Variants in TCP10L observed in about 807,000 individuals in gnomAD.
TCP10L encodes the protein T-complex protein 10A homolog 1.
TCP10L carries 11 observed loss-of-function variants against 19.2 expected under a neutral mutation model. The ratio of observed to expected loss-of-function variants is 0.57; its 90% CI spans 0.36 to 0.95. The LOEUF (loss-of-function observed/expected upper bound fraction) is 0.95, where lower values mean the gene tolerates loss of function less well. Ranked by LOEUF, TCP10L falls within the 40% of genes least tolerant of loss-of-function variation. The pLI is 0.01. For missense variants in TCP10L, 247 were observed against 263.9 expected, an observed-to-expected ratio of 0.94 and a Z score of 0.44; for synonymous variants, 96 against 97.2, an observed-to-expected ratio of 0.99 and a Z score of 0.07.
In TCP10L at chr21:32,576,990, ACAT is replaced by A. The variant is rs1313819418; in HGVS notation, c.499-70_499-68del. The A allele has an allele frequency of 2.7e-6, 4 of 1,481,608 alleles. No homozygotes were observed. The African/African-American group carries it at 4.2e-5, about 16-fold the overall frequency. The allele number at this position is 1,481,608 out of a possible 1,614,324, so 91.8% of individuals were successfully genotyped here. On this transcript the variant is annotated intron_variant, in intron 4 of 4. Transcript: ENST00000300258. ...ATATTATTTTTAAATGTTAAGCAACACATCATACCAGCTATCACAGAATGTAGA... is the reference window on the plus strand; with the variant it reads ...ATATTATTTTTAAATGTTAAGCAACACATACCAGCTATCACAGAATGTAGA...
intron 3 of TCP10L, among the ~76,000 whole-genome samples, chr21:32,579,336 C>G (rs2833913): frequency 0.079 from 11,964 of 152,208 alleles, 555 homozygotes; most frequent in Non-Finnish European, 0.1. Context: ...CCGTTCTGCC[C>G]TCTGAGGAGG....
Position 32,585,487 on chromosome 21 carries a change from AGCCCTCCT to A in TCP10L, c.-76_-69del, listed in dbSNP as rs1483941671. On this transcript the variant is annotated 5_prime_UTR_variant, in exon 1 of 5. An upstream open reading frame in the 5' UTR gains an earlier in-frame stop. Transcript: ENST00000300258. ...GGCCATGTCCCCACAGTTGTCCCCA[AGCCCTCCT>A]GCCTCATATCCAGAGACCAGAGAGC... 5.1e-5 allele frequency: 8 copies of A among 156,714 alleles called. No homozygotes were observed. The highest frequency in any genetic ancestry group is 1.9e-4 in the African/African-American group (8 of 41,642). The allele number at this position is 156,714 out of a possible 1,614,324, so 9.7% of individuals were successfully genotyped here.
chr21:32,574,158 A>ATT lies in TCP10L; in HGVS notation c.*2614_*2615dup, dbSNP rs36087958. ...GAGAAAATAATTTCATTTTATTGAC[A>ATT]TTTTTTGTAAAATATAGCATGTTAC... On this transcript the variant is annotated 3_prime_UTR_variant, in exon 5 of 5. Transcript: ENST00000300258. The ATT allele has an allele frequency of 2.0e-5, 3 of 152,098 alleles. No homozygotes were observed. Among genetic ancestry groups the ATT allele is most frequent in the African/African-American group, 4.8e-5 (2 of 41,490 alleles). 9.4% of individuals were successfully genotyped at this position (152,098 alleles called of 1,614,324 possible).
rs182855671 is a variant in TCP10L at position 32,584,030 on chromosome 21, C to T, written c.144+131G>A. The T allele has an allele frequency of 2.4e-4, 298 of 1,251,194 alleles. No individual in the cohort carries two copies. The African/African-American group carries it at 4.3e-3, about 18-fold the overall frequency. The allele number at this position is 1,251,194 out of a possible 1,614,324, so 77.5% of individuals were successfully genotyped here. On this transcript the variant is annotated intron_variant, in intron 2 of 4. Transcript: ENST00000300258. ...CCACATGCCCCTTGGAGAGGAAGTA[C>T]AGAATCAGTGTCCCGGGGTGGTGCA...
chr21:32,584,418 CCTT>C, intron 1 of TCP10L, 113 bp from the exon 2 acceptor site: 4 of 1,411,364 alleles, frequency 2.8e-6, no homozygotes, highest in Non-Finnish European at 3.7e-6. Context: ...CGCAGCCGCT[CCTT>C]CTCCCCCTGG....
chr21:32,584,229 C>T lies in TCP10L; in HGVS notation c.76G>A (p.Ala26Thr), dbSNP rs750681796. 1 of 1,614,124 alleles carries T rather than the reference C, an allele frequency of 6.2e-7. No homozygotes were observed. The highest frequency in any genetic ancestry group is 8.5e-7 in the Non-Finnish European group (1 of 1,180,006). Residue 26 changes from alanine (A) to threonine (T), a missense_variant, in exon 2 of 5, where the codon GCT becomes ACT. Ala to Thr is a moderately conservative substitution (Grantham distance 58). Coordinates refer to ENST00000300258, the MANE Select transcript of TCP10L (RefSeq NM_144659.7). The stretch of plus-strand genomic sequence containing the variant: ...GCCACAGCTGTCTTCTCCATGACAG[C>T]CCCAGCTCCTGGGCACGGGTCCTCT... ...HPEDPCPGAG[A>T]VMEKTAVAAE...
At chr21:32,583,341 G>A (rs1233872562) in intron 2 of TCP10L, among the ~76,000 whole-genome samples, 1 of 152,012 alleles carries the variant, frequency 6.6e-6, no homozygotes, top group African/African-American at 2.4e-5. Flanking sequence ...TGTAATCCCA[G>A]CACTTTGGGA....
chr21:32,584,216 T>C lies in TCP10L; in HGVS notation c.89A>G (p.Lys30Arg), dbSNP rs2038532063. ...GAGAACCTCGGCTGCCACAGCTGTC[T>C]TCTCCATGACAGCCCCAGCTCCTGG... ...PCPGAGAVME[K>R]TAVAAEVLTE... The change falls in exon 2 of 5, where the codon AAG becomes AGG. Residue 30 changes from lysine (K) to arginine (R), a missense_variant. By Grantham distance (26) the Lys-to-Arg change is conservative (BLOSUM62 2). Coordinates refer to ENST00000300258, the MANE Select transcript of TCP10L (RefSeq NM_144659.7). 3 of 1,613,962 alleles carry C rather than the reference T, an allele frequency of 1.9e-6. No individual in the cohort carries two copies. Among genetic ancestry groups the C allele is most frequent in the Non-Finnish European group, 2.5e-6 (3 of 1,179,984 alleles).
At chr21:32,585,240 G>C (rs936792927) in intron 1 of TCP10L, among the ~76,000 whole-genome samples, 181 bp downstream of exon 1, 3 of 152,164 alleles carry the variant, frequency 2.0e-5, no homozygotes, top group Non-Finnish European at 2.9e-5. Context: ...CCTTCCCCGC[G>C]GAGACTGGGA....
rs1209310032 is a variant in TCP10L at position 32,584,145 on chromosome 21, A to G, written c.144+16T>C. The G allele has an allele frequency of 1.2e-6, 2 of 1,606,358 alleles. No homozygotes were observed. The highest frequency in any genetic ancestry group is 2.2e-5 in the East Asian group (1 of 44,694). Reference sequence around the variant, plus strand: ...GCCTGGTGGGACTAACTCTGTCCCCACAGAGCTCAACTCACTGGCATCTCC... The same window carrying G: ...GCCTGGTGGGACTAACTCTGTCCCCGCAGAGCTCAACTCACTGGCATCTCC... On this transcript the variant is annotated intron_variant, in intron 2 of 4. Transcript: ENST00000300258.
intron 4 of TCP10L, chr21:32,577,434 A>C (rs776808439): frequency 6.5e-6 from 1 of 152,696 alleles, no homozygotes; most frequent in Non-Finnish European, 1.5e-5. Context: ...ACTTGTGACA[A>C]ATGCTTGGAG....
Position 32,576,581 on chromosome 21 carries a change from T to C in TCP10L, c.*193A>G. On this transcript the variant is annotated 3_prime_UTR_variant, in exon 5 of 5. Transcript: ENST00000300258. ...ACCCAATCCAAGTTGTTTGCTTTTA[T>C]AGCATTAGAGACATGTCTGAAGAAC... 1.5e-6 allele frequency: 1 copy of C among 658,836 alleles called. No homozygotes were observed. The highest frequency in any genetic ancestry group is 2.8e-5 in the East Asian group (1 of 35,908). The allele number at this position is 658,836 out of a possible 1,614,324, so 40.8% of individuals were successfully genotyped here. A position where few individuals can be genotyped will look rare whatever the true frequency, so the allele number is the denominator to read the frequency against.
rs559657856 is a variant in TCP10L, at chr21:32,578,289, G to A, written c.498+405C>T. On this transcript the variant is annotated intron_variant, in intron 4 of 4. Transcript: ENST00000300258. The surrounding 1 kb of genome is among the most constrained non-coding windows in gnomAD (Gnocchi z 4.2). ...ACCCCTGTTCAGAGGAGTCCACGCC[G>A]ACAAGCAGCAGGTGCAAGACCGCAG... is the stretch of plus-strand genomic sequence containing the variant. Among the ~76,000 whole-genome samples, 19 of 152,314 alleles carry A rather than the reference G, an allele frequency of 1.2e-4. No homozygotes were observed. The East Asian group carries it at 1.9e-3, about 15-fold the overall frequency.
rs2017816 is a variant in TCP10L, at chr21:32,584,269, T to C, written c.36A>G (p.Lys12=). The change falls in exon 2 of 5, where the codon AAA becomes AAG. Residue 12 remains lysine (K), a synonymous_variant. Transcript: ENST00000300258. The part of the protein sequence containing the change: ...LAGQLEARDP[K]EGTHPEDPCP... Reference sequence around the variant, plus strand: ...ACGGGTCCTCTGGGTGGGTGCCCTCTTTGGGGTCCCTGGCCTCGAGTTGAC... The same window carrying C: ...ACGGGTCCTCTGGGTGGGTGCCCTCCTTGGGGTCCCTGGCCTCGAGTTGAC... 608,787 of 1,613,614 alleles carry C rather than the reference T, an allele frequency of 0.38. 117,216 individuals carry two copies. Among genetic ancestry groups the C allele is most frequent in the African/African-American group, 0.53 (39,833 of 74,932 alleles).
At chr21:32,584,465 A>G (rs1370987292) in intron 1 of TCP10L, among the ~76,000 whole-genome samples, 160 bp from the exon 2 acceptor site, 1 of 152,174 alleles carries the variant, frequency 6.6e-6, no homozygotes, top group Non-Finnish European at 1.5e-5. Context: ...GAAGCTGACC[A>G]GGTGAAAGGA....
chr21:32,584,036 C>T, intron 2 of TCP10L, 125 bp downstream of exon 2: 1 of 1,286,970 alleles, frequency 7.8e-7, no homozygotes. Flanking sequence ...AGTACAGAAT[C>T]AGTGTCCCGG....
chr21:32,575,657 G>C lies in TCP10L; in HGVS notation c.*1117C>G, dbSNP rs1388401475. The C allele has an allele frequency of 1.3e-5, 2 of 153,324 alleles. No individual in the cohort carries two copies. The highest frequency in any genetic ancestry group is 2.4e-5 in the African/African-American group (1 of 41,488). 9.5% of individuals were successfully genotyped at this position (153,324 alleles called of 1,614,324 possible). ...TTTACCAAGATAGGTTCCTGCAGAGGTCGTGAAGCTGCTGTGGTCATTTGC... is the reference window on the plus strand; with the variant it reads ...TTTACCAAGATAGGTTCCTGCAGAGCTCGTGAAGCTGCTGTGGTCATTTGC... On this transcript the variant is annotated 3_prime_UTR_variant, in exon 5 of 5. Coordinates refer to ENST00000300258, the MANE Select transcript of TCP10L (RefSeq NM_144659.7).
rs1226211076 is a variant in TCP10L at position 32,582,332 on chromosome 21, C to T, written c.228G>A (p.Arg76=). Residue 76 remains arginine (R), a synonymous_variant, in exon 3 of 5, where the codon CGG becomes CGA. Transcript: ENST00000300258. This position sits in a 1 kb window ranked among gnomAD's most constrained non-coding sequence, Gnocchi z 4.2. ...SLWADVHGKL[R]SHIDALREQN... ...GCTCCCTCAAAGCATCTATATGACT[C>T]CGGAGTTTTCCATGAACATCAGCCC... is the stretch of plus-strand genomic sequence containing the variant. 6.2e-7 allele frequency: 1 copy of T among 1,614,072 alleles called. No homozygotes were observed. Among genetic ancestry groups the T allele is most frequent in the African/African-American group, 1.3e-5 (1 of 75,006 alleles).
Position 32,578,588 on chromosome 21 carries a change from T to C in TCP10L, c.498+106A>G. The C allele has an allele frequency of 2.7e-6, 4 of 1,488,398 alleles. No homozygotes were observed. Among genetic ancestry groups the C allele is most frequent in the Non-Finnish European group, 3.6e-6 (4 of 1,103,334 alleles). 92.2% of individuals were successfully genotyped at this position (1,488,398 alleles called of 1,614,324 possible). A position where few individuals can be genotyped will look rare whatever the true frequency, so the allele number is the denominator to read the frequency against. On this transcript the variant is annotated intron_variant, in intron 4 of 4. Coordinates refer to ENST00000300258, the MANE Select transcript of TCP10L (RefSeq NM_144659.7). The surrounding 1 kb of genome is among the most constrained non-coding windows in gnomAD (Gnocchi z 4.2). ...GAACACAGGACTCCAGGGAGCACCA[T>C]GCTCACCCAGGGAGGTGAAATTGTG...
Sources: gnomAD v4.1 joint callset for allele counts (sites outside exome capture counted in the v4.1 genomes callset) on GRCh38, gnomAD v4.1.1 for gene constraint, Gnocchi (gnomAD v3.1) non-coding constraint, MANE v1.5 for transcripts, NCBI Gene and HGNC (gene_info 2026-07-23, HGNC 2026-07-21) for gene names.